CUX1: variants seen among roughly 807,000 people sequenced by gnomAD.
CUX1 encodes protein CASP.
In CUX1, 31 loss-of-function variants were observed where a neutral mutation model predicts 158.8. The observed-to-expected ratio is 0.20, with a 90% CI of 0.15 to 0.26. The LOEUF (loss-of-function observed/expected upper bound fraction) is 0.26, where lower values mean the gene tolerates loss of function less well. CUX1 is among the 10% of genes least tolerant of loss of function. CUX1 has a pLI of 1.00. For synonymous variants in CUX1, 879 were observed against 862.1 expected, an observed-to-expected ratio of 1.02 and a Z score of -0.34; for missense variants, 1,589 against 2,014.6, an observed-to-expected ratio of 0.79 and a Z score of 4.04.
At chr7:101,874,127 A>G (rs912087201) in intron 1 of CUX1, among the ~76,000 whole-genome samples, 1 of 152,244 alleles carries the variant, frequency 6.6e-6, no homozygotes, top group African/African-American at 2.4e-5. Flanking sequence ...CTGTGAAACA[A>G]GAGATGCTTC....
At chr7:102,185,015 AC>A (rs1447504837) in intron 11 of CUX1, among the ~76,000 whole-genome samples, 1 of 152,004 alleles carries the variant, frequency 6.6e-6, no homozygotes, top group Non-Finnish European at 1.5e-5. Context: ...ACATGAAGTT[AC>A]CCTTGACAGC....
Position 102,200,099 on chromosome 7 carries a change from G to A in CUX1, c.1989G>A (p.Ser663=), listed in dbSNP as rs141608058. ...EGNITTRIRA[S]ETGSDEAIKS... ...ACATCACCACCCGGATCCGAGCCTC[G>A]GAGACTGGCTCTGATGAAGCCATCA... Residue 663 remains serine (S), a synonymous_variant, in exon 17 of 24, where the codon TCG becomes TCA. Coordinates refer to ENST00000292535, the MANE Select transcript of CUX1 (RefSeq NM_181552.4). 1.4e-5 allele frequency: 22 copies of A among 1,613,104 alleles called. No homozygotes were observed. The highest frequency in any genetic ancestry group is 1.1e-4 in the African/African-American group (8 of 74,986).
chr7:102,013,477 C>T (rs961829969), intron 2 of CUX1, among the ~76,000 whole-genome samples: 10 of 152,078 alleles, frequency 6.6e-5, no homozygotes, highest in African/African-American at 2.4e-4. Context: ...ATTCCAGGAC[C>T]GCATGAAAGT....
At position 102,171,525 on chromosome 7, in the gene CUX1, G is replaced by A. The variant is rs1425963669; in HGVS notation, c.828+975G>A. 2.0e-5 allele frequency among the ~76,000 whole-genome samples: 3 copies of A among 148,860 alleles called. No homozygotes were observed. The Admixed American group carries it at 2.0e-4, about 10-fold the overall frequency. On this transcript the variant is annotated intron_variant, in intron 10 of 23. Transcript: ENST00000292535. ...TGCAGTGGCGCAGTCTTGGCTCACT[G>A]CAGCCTCCACCTCCCAGGCTCAAGG...
At chr7:102,273,612 G>T in intron 15 of CUX1, 3 of 1,285,284 alleles carry the variant, frequency 2.3e-6, no homozygotes, top group South Asian at 3.0e-5. Flanking sequence ...ACCCAGAAGG[G>T]CTGTCACCTA....
At chr7:101,892,529 T>C (rs1025866782) in intron 1 of CUX1, among the ~76,000 whole-genome samples, 2 of 152,202 alleles carry the variant, frequency 1.3e-5, no homozygotes, top group Admixed American at 1.3e-4. Flanking sequence ...GTCTCATCAT[T>C]ACTACGTTAT....
At chr7:102,274,201 C>A in intron 15 of CUX1, 1 of 1,574,964 alleles carries the variant, frequency 6.3e-7, no homozygotes, top group Non-Finnish European at 8.7e-7. Flanking sequence ...ATTCCGTGCC[C>A]ATTGTGCGGA....
At chr7:102,280,327 C>T in intron 19 of CUX1, among the ~76,000 whole-genome samples, 1 of 152,210 alleles carries the variant, frequency 6.6e-6, no homozygotes, top group Non-Finnish European at 1.5e-5. Context: ...CCAAGACAGC[C>T]TCCCCACCGC....
At chr7:102,187,853 A>G (rs1410212917) in intron 11 of CUX1, among the ~76,000 whole-genome samples, 1 of 152,006 alleles carries the variant, frequency 6.6e-6, no homozygotes, top group East Asian at 1.9e-4. Flanking sequence ...GGATGGTGCC[A>G]TCTCCTCCCC....
At chr7:101,895,451 G>A (rs1328017725) in intron 1 of CUX1, among the ~76,000 whole-genome samples, 1 of 152,110 alleles carries the variant, frequency 6.6e-6, no homozygotes, top group Non-Finnish European at 1.5e-5. Context: ...TGGACTTGAA[G>A]GCTTTGGATG....
At chr7:102,070,490 C>G (rs1027420267) in intron 4 of CUX1, 73 bp downstream of exon 4, 6 of 1,151,460 alleles carry the variant, frequency 5.2e-6, no homozygotes, top group Non-Finnish European at 7.6e-6. Flanking sequence ...TTGGCTCATT[C>G]TTCTTGGCTT....
intron 6 of CUX1, among the ~76,000 whole-genome samples, chr7:102,111,028 A>ATCCCAGTTT (rs1467795584): frequency 2.0e-5 from 3 of 152,114 alleles, no homozygotes; most frequent in Admixed American, 1.3e-4. Flanking sequence ...ACTTTTCTGT[A>ATCCCAGTTT]TCCCAGTTTA....
chr7:102,198,190 G>T (rs1302008563), intron 15 of CUX1, among the ~76,000 whole-genome samples: 2 of 152,208 alleles, frequency 1.3e-5, no homozygotes, highest in Non-Finnish European at 2.9e-5. Flanking sequence ...AGCCCAGGAG[G>T]TGGAGGCTGC....
At chr7:102,162,515 G>A (rs959390661) in intron 9 of CUX1, among the ~76,000 whole-genome samples, 8 of 151,936 alleles carry the variant, frequency 5.3e-5, no homozygotes, top group East Asian at 1.9e-4. Context: ...GGGTTCAAGC[G>A]ATTCTCCTGC....
chr7:101,953,679 T>C (rs1809389199), intron 2 of CUX1, among the ~76,000 whole-genome samples: 1 of 152,190 alleles, frequency 6.6e-6, no homozygotes, highest in Non-Finnish European at 1.5e-5. Context: ...GTACCAAATA[T>C]AGATAAGGCG....
At chr7:102,035,773 A>T (rs1241049401) in intron 3 of CUX1, among the ~76,000 whole-genome samples, 1 of 151,946 alleles carries the variant, frequency 6.6e-6, no homozygotes, top group Non-Finnish European at 1.5e-5. Context: ...GGAGAGAGAG[A>T]AAGTATACAA....
At chr7:101,899,756 G>T (rs1034714078) in intron 1 of CUX1, among the ~76,000 whole-genome samples, 3 of 152,150 alleles carry the variant, frequency 2.0e-5, no homozygotes, top group Non-Finnish European at 4.4e-5. Flanking sequence ...GTCACAGGGG[G>T]ATCAGGAAAG....
intron 2 of CUX1, among the ~76,000 whole-genome samples, chr7:101,942,662 T>C (rs545775689): frequency 1.6e-4 from 24 of 152,292 alleles, no homozygotes; most frequent in Middle Eastern, 6.8e-3. Context: ...AGGGTTTCCC[T>C]GTGTTGCCCC....
At chr7:101,990,920 A>G (rs1358275462) in intron 2 of CUX1, among the ~76,000 whole-genome samples, 1 of 152,176 alleles carries the variant, frequency 6.6e-6, no homozygotes, top group East Asian at 1.9e-4. Context: ...AAAGTGCCAT[A>G]GGATAAAAGC....
Sources: gnomAD v4.1 joint callset for allele counts (sites outside exome capture counted in the v4.1 genomes callset) on GRCh38, gnomAD v4.1.1 for gene constraint, MANE v1.5 for transcripts, NCBI Gene and HGNC (gene_info 2026-07-23, HGNC 2026-07-21) for gene names.